SNPH: variants seen among roughly 807,000 people sequenced by gnomAD.
The protein encoded by SNPH is syntaphilin.
SNPH carries 10 observed loss-of-function variants against 36.8 expected under a neutral mutation model. That is an observed-to-expected ratio of 0.27 (90% CI 0.17 to 0.46). The LOEUF (loss-of-function observed/expected upper bound fraction) is 0.46, where lower values mean the gene tolerates loss of function less well. SNPH is among the 20% of genes least tolerant of loss of function. The probability of loss-of-function intolerance (pLI) is 1.00; values close to 1 mark genes in which losing one functional copy is unlikely to be tolerated. For missense variants in SNPH, 622 were observed against 744.0 expected (o/e 0.84, Z 1.91); for synonymous variants, 281 against 312.2 (o/e 0.90, Z 1.05).
At chr20:1,299,551 G>T (rs1289365333) in intron 5 of SNPH, among the ~76,000 whole-genome samples, 2 of 152,236 alleles carry the variant, frequency 1.3e-5, no homozygotes, top group Non-Finnish European at 2.9e-5. Context: ...GCACCTGACT[G>T]CCCTCTGGGT....
chr20:1,271,740 A>G (rs1328351972), intron 2 of SNPH, among the ~76,000 whole-genome samples: 1 of 152,206 alleles, frequency 6.6e-6, no homozygotes, highest in African/African-American at 2.4e-5. Flanking sequence ...CTGGAGGGAG[A>G]GGGGTTGGGA....
At position 1,304,916 on chromosome 20, in the gene SNPH, G is replaced by A. The variant is rs1241876812; in HGVS notation, c.479G>A (p.Arg160His). Residue 160 changes from arginine (R) to histidine (H), a missense_variant, in exon 7 of 7, where the codon CGC becomes CAC. Transcript: ENST00000381867. This position sits in a 1 kb window ranked among gnomAD's most constrained non-coding sequence, Gnocchi z 4.3. Reference sequence around the variant, plus strand: ...GATGACCTGAAGACGCAGCTGTCACGCATGCAGGAGGACTGGATTGAGGAG... The same window carrying A: ...GATGACCTGAAGACGCAGCTGTCACACATGCAGGAGGACTGGATTGAGGAG... ...EIDDLKTQLS[R>H]MQEDWIEEEC... 1.1e-5 allele frequency: 18 copies of A among 1,613,360 alleles called. No individual in the cohort carries two copies. The highest frequency in any genetic ancestry group is 2.7e-5 in the African/African-American group (2 of 74,920).
At chr20:1,297,315 G>C in intron 5 of SNPH, 63 bp downstream of exon 5, 2 of 1,522,802 alleles carry the variant, frequency 1.3e-6, no homozygotes, top group Non-Finnish European at 9.0e-7. Context: ...CCTGGGGTGG[G>C]AGAGGTAAGG....
chr20:1,291,843 G>GT (rs1470667658), intron 2 of SNPH, among the ~76,000 whole-genome samples: 2 of 152,308 alleles, frequency 1.3e-5, no homozygotes, highest in South Asian at 2.1e-4. Context: ...CAAGCACCTG[G>GT]TTTTTCCCCC....
intron 2 of SNPH, among the ~76,000 whole-genome samples, chr20:1,291,882 A>T (rs964359993): frequency 6.6e-6 from 1 of 152,224 alleles, no homozygotes; most frequent in Non-Finnish European, 1.5e-5. Context: ...AAATGCTATC[A>T]TGTCTCTTTG....
Position 1,266,430 on chromosome 20 carries a change from C to T in SNPH, c.-600+33C>T, listed in dbSNP as rs2088004598. On this transcript the variant is annotated intron_variant, in intron 1 of 6. Coordinates refer to ENST00000381867, the MANE Select transcript of SNPH (RefSeq NM_001318234.2). The surrounding 1 kb of genome is among the most constrained non-coding windows in gnomAD (Gnocchi z 6.0). ...CAAGGACCCCGGGGATCTCCGGGCC[C>T]ACCGCCCAGCTGCACCCGCCGCAGT... is the stretch of plus-strand genomic sequence containing the variant. The T allele has an allele frequency of 5.6e-6, 3 of 532,448 alleles. No individual in the cohort carries two copies. The highest frequency in any genetic ancestry group is 9.1e-6 in the Non-Finnish European group (3 of 329,740). 33.0% of individuals were successfully genotyped at this position (532,448 alleles called of 1,614,324 possible).
Position 1,278,000 on chromosome 20 carries a change from CTG to C in SNPH, c.-493+11250_-493+11251del, listed in dbSNP as rs563194020. Among the ~76,000 whole-genome samples the C allele has an allele frequency of 3.0e-3, 399 of 134,504 alleles. 3 individuals carry two copies. The highest frequency in any genetic ancestry group is 0.01 in the African/African-American group (371 of 35,350). The allele number at this position is 134,504 out of a possible 152,430, so 88.2% of individuals were successfully genotyped here. ...CTGTGTGTGTGGCGTGTCTGTGTGT[CTG>C]TGTGTGTGTCAGTGTCTATGTATGT... On this transcript the variant is annotated intron_variant, in intron 2 of 6. Transcript: ENST00000381867.
At chr20:1,303,798 G>A (rs2088533140) in intron 6 of SNPH, among the ~76,000 whole-genome samples, 1 of 152,224 alleles carries the variant, frequency 6.6e-6, no homozygotes, top group African/African-American at 2.4e-5. Context: ...ATGAACCCCA[G>A]AGTGACAGGC....
chr20:1,304,182 T>C lies in SNPH; in HGVS notation c.441-696T>C, dbSNP rs1437200359. ...GTTGATCTTTTCAGCTTTTCCTCTT[T>C]AAGATACAAGATACAAGGAGATACA... On this transcript the variant is annotated intron_variant, in intron 6 of 6. Coordinates refer to ENST00000381867, the MANE Select transcript of SNPH (RefSeq NM_001318234.2). The surrounding 1 kb of genome is among the most constrained non-coding windows in gnomAD (Gnocchi z 4.3). Among the ~76,000 whole-genome samples, 1 of 152,108 alleles carries C rather than the reference T, an allele frequency of 6.6e-6. No individual in the cohort carries two copies. The highest frequency in any genetic ancestry group is 1.5e-5 in the Non-Finnish European group (1 of 68,022).
At chr20:1,275,776 G>C (rs796624339) in intron 2 of SNPH, among the ~76,000 whole-genome samples, 3 of 152,244 alleles carry the variant, frequency 2.0e-5, no homozygotes, top group African/African-American at 7.2e-5. Context: ...AGCTAGAGAA[G>C]GACATTTTGA....
Position 1,266,662 on chromosome 20 carries a change from T to G in SNPH, c.-591T>G, listed in dbSNP as rs1373789515. ...TTTTCCTAACCCCGCAGGTCGCTGA[T>G]CAGGGCCAGGCGGCTGCAGCAGCGA... On this transcript the variant is annotated 5_prime_UTR_variant, in exon 2 of 7. Coordinates refer to ENST00000381867, the MANE Select transcript of SNPH (RefSeq NM_001318234.2). This position sits in a 1 kb window ranked among gnomAD's most constrained non-coding sequence, Gnocchi z 6.0. 12 of 1,489,034 alleles carry G rather than the reference T, an allele frequency of 8.1e-6. No individual in the cohort carries two copies. The highest frequency in any genetic ancestry group is 2.3e-4 in the Middle Eastern group (1 of 4,428). 92.2% of individuals were successfully genotyped at this position (1,489,034 alleles called of 1,614,324 possible).
At chr20:1,269,033 A>T (rs959055727) in intron 2 of SNPH, among the ~76,000 whole-genome samples, 2 of 152,026 alleles carry the variant, frequency 1.3e-5, no homozygotes, top group Non-Finnish European at 2.9e-5. Flanking sequence ...AGGGAGGAGG[A>T]TTGGGAAGGG....
intron 5 of SNPH, among the ~76,000 whole-genome samples, chr20:1,298,840 G>GTGTGTGTGTA (rs2088471794): frequency 8.0e-6 from 1 of 125,616 alleles, no homozygotes; most frequent in Non-Finnish European, 1.7e-5. Flanking sequence ...GTGTGTGTGT[G>GTGTGTGTGTA]TGTGTATACA....
intron 5 of SNPH, 116 bp downstream of exon 5, chr20:1,297,368 G>A (rs966775831): frequency 4.4e-5 from 38 of 867,854 alleles, no homozygotes; most frequent in Admixed American, 1.0e-4. Flanking sequence ...CAGCATAGCC[G>A]CTGGCCGTGT....
intron 2 of SNPH, among the ~76,000 whole-genome samples, chr20:1,283,583 T>A (rs971734172): frequency 1.3e-5 from 2 of 152,200 alleles, no homozygotes; most frequent in Non-Finnish European, 2.9e-5. Context: ...ACATGGATTT[T>A]AAAAAAATAT....
rs2088407775 is a variant in SNPH at position 1,294,747 on chromosome 20, CG to C, written c.-492-200del. 6.6e-6 allele frequency among the ~76,000 whole-genome samples: 1 copy of C among 152,174 alleles called. No homozygotes were observed. The highest frequency in any genetic ancestry group is 2.1e-4 in the South Asian group (1 of 4,824). On this transcript the variant is annotated intron_variant, in intron 2 of 6. Transcript: ENST00000381867. The surrounding 1 kb of genome is among the most constrained non-coding windows in gnomAD (Gnocchi z 4.4). ...GCCGCTGGCTGGGATGACCAGGCTC[CG>C]GGGAGGCCCTGACATGGGAAGGGGG...
At position 1,266,631 on chromosome 20, in the gene SNPH, A is replaced by G; in HGVS notation, c.-599-23A>G. ...CGCCCGCGCTCACCCGCCCCGGTCT[A>G]TCTCTTTTTCCTAACCCCGCAGGTC... is the stretch of plus-strand genomic sequence containing the variant. On this transcript the variant is annotated intron_variant, in intron 1 of 6. Coordinates refer to ENST00000381867, the MANE Select transcript of SNPH (RefSeq NM_001318234.2). The surrounding 1 kb of genome is among the most constrained non-coding windows in gnomAD (Gnocchi z 6.0). 10 of 1,484,152 alleles carry G rather than the reference A, an allele frequency of 6.7e-6. No homozygotes were observed. The highest frequency in any genetic ancestry group is 8.0e-6 in the Non-Finnish European group (9 of 1,119,854). 91.9% of individuals were successfully genotyped at this position (1,484,152 alleles called of 1,614,324 possible).
At chr20:1,303,068 C>T (rs2088523110) in intron 6 of SNPH, among the ~76,000 whole-genome samples, 1 of 152,234 alleles carries the variant, frequency 6.6e-6, no homozygotes, top group South Asian at 2.1e-4. Flanking sequence ...CACTGTCTGC[C>T]TGTTACTCCC....
Position 1,306,347 on chromosome 20 carries a change from C to A in SNPH, c.*293C>A. On this transcript the variant is annotated 3_prime_UTR_variant, in exon 7 of 7. Coordinates refer to ENST00000381867, the MANE Select transcript of SNPH (RefSeq NM_001318234.2). ...CAACCCGGCCCCTCTGTCCCCTTGG[C>A]TCTTCAGACAGGGCCAGCCCTGCTC... 1 of 330,800 alleles carries A rather than the reference C, an allele frequency of 3.0e-6. No individual in the cohort carries two copies. The highest frequency in any genetic ancestry group is 8.8e-5 in the South Asian group (1 of 11,322). The allele number at this position is 330,800 out of a possible 1,614,324, so 20.5% of individuals were successfully genotyped here.
Sources: gnomAD v4.1 joint callset for allele counts (sites outside exome capture counted in the v4.1 genomes callset) on GRCh38, gnomAD v4.1.1 for gene constraint, Gnocchi (gnomAD v3.1) non-coding constraint, MANE v1.5 for transcripts, NCBI Gene and HGNC (gene_info 2026-07-23, HGNC 2026-07-21) for gene names.